The following EPB41L4A variants were observed in gnomAD, a reference collection of about 807,000 sequenced individuals.
EPB41L4A encodes band 4.1-like protein 4A.
EPB41L4A carries 100 observed loss-of-function variants against 108.6 expected under a neutral mutation model. The observed-to-expected ratio is 0.92, with a 90% CI of 0.78 to 1.09. EPB41L4A has a LOEUF of 1.09. Among genes scored for constraint, EPB41L4A ranks in the 50% least tolerant of loss-of-function variants. The pLI is 0.00. For missense variants in EPB41L4A, 1,030 were observed against 842.7 expected (o/e 1.22, Z -2.75); for synonymous variants, 319 against 289.0 (o/e 1.10, Z -1.05).
intron 4 of EPB41L4A, among the ~76,000 whole-genome samples, chr5:112,270,819 A>G (rs1752214021): frequency 6.6e-6 from 1 of 152,244 alleles, no homozygotes; most frequent in African/African-American, 2.4e-5. Context: ...AGACATGAAC[A>G]TAATATCAAT....
chr5:112,177,374 T>C (rs1392868206), intron 18 of EPB41L4A, among the ~76,000 whole-genome samples: 1 of 152,194 alleles, frequency 6.6e-6, no homozygotes, highest in African/African-American at 2.4e-5. Flanking sequence ...TTTAAGAAAC[T>C]TATGATTACT....
At chr5:112,311,718 C>G (rs896304761) in intron 1 of EPB41L4A, among the ~76,000 whole-genome samples, 2 of 152,138 alleles carry the variant, frequency 1.3e-5, no homozygotes, top group African/African-American at 4.8e-5. Context: ...TCTCTTTGAT[C>G]TAAAATTTTA....
chr5:112,388,842 C>G (rs1039909836), intron 1 of EPB41L4A, among the ~76,000 whole-genome samples: 2 of 152,162 alleles, frequency 1.3e-5, no homozygotes, highest in Admixed American at 6.5e-5. Flanking sequence ...TAACTGGTCT[C>G]TGAGCCAGCC....
chr5:112,288,684 T>G (rs1383615310), intron 2 of EPB41L4A, among the ~76,000 whole-genome samples: 2 of 152,338 alleles, frequency 1.3e-5, no homozygotes, highest in East Asian at 3.9e-4. Context: ...ATCCTATGCA[T>G]GTTCCACCAC....
chr5:112,281,872 A>G (rs1419020389), intron 2 of EPB41L4A, among the ~76,000 whole-genome samples: 1 of 152,200 alleles, frequency 6.6e-6, no homozygotes, highest in African/African-American at 2.4e-5. Flanking sequence ...GTAAGATTTT[A>G]TAACTATACT....
chr5:112,406,774 G>C (rs181261855), intron 1 of EPB41L4A, among the ~76,000 whole-genome samples: 1 of 152,012 alleles, frequency 6.6e-6, no homozygotes, highest in East Asian at 1.9e-4. Flanking sequence ...CAAAGACACA[G>C]TGAGTGAGCA....
At chr5:112,195,789 T>C (rs996088941) in intron 15 of EPB41L4A, 81 bp from the exon 16 acceptor site, 1 of 1,214,064 alleles carries the variant, frequency 8.2e-7, no homozygotes, top group Non-Finnish European at 1.2e-6. Flanking sequence ...GAGTTTCACT[T>C]CAGTTAACAC....
intron 12 of EPB41L4A, among the ~76,000 whole-genome samples, chr5:112,231,868 G>T (rs1748978143): frequency 1.3e-5 from 2 of 151,070 alleles, no homozygotes; most frequent in South Asian, 4.2e-4. Flanking sequence ...AACACTTCTG[G>T]AGGTCAAGAT....
At position 112,259,877 on chromosome 5, in the gene EPB41L4A, C is replaced by T; in HGVS notation, c.731+14G>A. The T allele has an allele frequency of 2.5e-6, 4 of 1,606,086 alleles. No individual in the cohort carries two copies. The highest frequency in any genetic ancestry group is 2.6e-6 in the Non-Finnish European group (3 of 1,172,866). On this transcript the variant is annotated intron_variant, in intron 8 of 22. Transcript: ENST00000261486. ...AAACATAGAATGCCAACTCTGTTCT[C>T]AAGCCATACCTACCAGAAATACTTC...
chr5:112,365,627 C>T (rs935058269), intron 1 of EPB41L4A, among the ~76,000 whole-genome samples: 1 of 152,238 alleles, frequency 6.6e-6, no homozygotes, highest in Non-Finnish European at 1.5e-5. Flanking sequence ...GGAACCAACA[C>T]TGGCACATTA....
intron 1 of EPB41L4A, among the ~76,000 whole-genome samples, chr5:112,331,251 G>A (rs931784509): frequency 3.3e-5 from 5 of 152,124 alleles, no homozygotes; most frequent in African/African-American, 4.8e-5. Flanking sequence ...CCAAAAACCC[G>A]GTCCAGAACT....
intron 1 of EPB41L4A, among the ~76,000 whole-genome samples, chr5:112,386,507 G>A (rs1760537787): frequency 6.6e-6 from 1 of 152,208 alleles, no homozygotes. Flanking sequence ...CTCGGGGAAT[G>A]AGGTTTTCTG....
intron 12 of EPB41L4A, among the ~76,000 whole-genome samples, chr5:112,227,753 ATAAC>A (rs1322775102): frequency 2.6e-5 from 4 of 152,340 alleles, no homozygotes; most frequent in Admixed American, 1.3e-4. Flanking sequence ...TGTTCAATAA[ATAAC>A]TATTGTTTTG....
chr5:112,167,281 GGTCA>G (rs1015328430), intron 22 of EPB41L4A, among the ~76,000 whole-genome samples: 24 of 152,122 alleles, frequency 1.6e-4, no homozygotes, highest in African/African-American at 5.6e-4. Context: ...AAATGATTCA[GGTCA>G]GTCAGAATGC....
chr5:112,180,118 A>T (rs932503547), intron 18 of EPB41L4A, among the ~76,000 whole-genome samples: 8 of 152,222 alleles, frequency 5.3e-5, no homozygotes, highest in African/African-American at 1.9e-4. Context: ...GATAAAAACA[A>T]ATGGATGAAT....
At chr5:112,363,118 G>C (rs539801254) in intron 1 of EPB41L4A, among the ~76,000 whole-genome samples, 22 of 152,124 alleles carry the variant, frequency 1.4e-4, no homozygotes, top group Non-Finnish European at 2.8e-4. Flanking sequence ...AGCTGGTCTA[G>C]TCAGAGCCCA....
chr5:112,362,431 C>T (rs1375837503), intron 1 of EPB41L4A, among the ~76,000 whole-genome samples: 2 of 152,102 alleles, frequency 1.3e-5, no homozygotes, highest in African/African-American at 2.4e-5. Context: ...CAGGTATGCG[C>T]TGCTGCGCCA....
At chr5:112,393,702 T>A (rs1314583122) in intron 1 of EPB41L4A, among the ~76,000 whole-genome samples, 1 of 152,100 alleles carries the variant, frequency 6.6e-6, no homozygotes, top group African/African-American at 2.4e-5. Flanking sequence ...ACTATTCCAA[T>A]CAATAGAAAA....
chr5:112,160,866 T>C (rs1370159042), downstream of EPB41L4A: 2 of 156,250 alleles, frequency 1.3e-5, no homozygotes, highest in Admixed American at 1.3e-4. Flanking sequence ...AAGCCTGTCC[T>C]TTCTTCCTTT....
Sources: gnomAD v4.1 joint callset for allele counts (sites outside exome capture counted in the v4.1 genomes callset) on GRCh38, gnomAD v4.1.1 for gene constraint, MANE v1.5 for transcripts, NCBI Gene and HGNC (gene_info 2026-07-23, HGNC 2026-07-21) for gene names.